Variants in ESR1 observed in about 807,000 individuals in gnomAD.
ESR1 encodes estrogen receptor 1.
Under a neutral mutation model 52.7 loss-of-function variants are expected in ESR1, and 12 were observed. That is an observed-to-expected ratio of 0.23 (90% CI 0.15 to 0.37). ESR1 has a LOEUF of 0.37. ESR1 is among the 10% of genes least tolerant of loss of function. The probability of loss-of-function intolerance (pLI) is 1.00; values close to 1 mark genes in which losing one functional copy is unlikely to be tolerated. For missense variants in ESR1, 584 were observed against 779.7 expected (o/e 0.75, Z 2.99); for synonymous variants, 305 against 316.8 (o/e 0.96, Z 0.39).
chr6:151,788,862 T>TG (rs1282386160), intron 2 of ESR1, among the ~76,000 whole-genome samples: 1 of 152,132 alleles, frequency 6.6e-6, no homozygotes, highest in Non-Finnish European at 1.5e-5. Flanking sequence ...ACAGAAAACC[T>TG]AATACTGCAT....
chr6:151,836,811 A>T (rs1471251554), intron 1 of ESR1, among the ~76,000 whole-genome samples: 3 of 152,210 alleles, frequency 2.0e-5, no homozygotes, highest in Non-Finnish European at 4.4e-5. Flanking sequence ...ACTGAATTAA[A>T]CCACATTTCT....
chr6:151,750,856 GTT>G (rs1783850121), intron 2 of ESR1, among the ~76,000 whole-genome samples: 1 of 152,148 alleles, frequency 6.6e-6, no homozygotes, highest in Admixed American at 6.5e-5. Flanking sequence ...AGTTCAAACT[GTT>G]TATCCTGTTT....
chr6:151,802,430 A>G (rs1435150673), upstream of ESR1, among the ~76,000 whole-genome samples: 1 of 152,238 alleles, frequency 6.6e-6, no homozygotes, highest in Non-Finnish European at 1.5e-5. Context: ...AGTATAAGCT[A>G]TTACGGAGAT....
At chr6:151,819,505 G>T (rs925825896) in intron 1 of ESR1, among the ~76,000 whole-genome samples, 1 of 152,160 alleles carries the variant, frequency 6.6e-6, no homozygotes, top group Non-Finnish European at 1.5e-5. Context: ...GGTAGCATTA[G>T]ATTTTCATAG....
chr6:151,934,241 G>T (rs2034078021), intron 3 of ESR1, among the ~76,000 whole-genome samples: 1 of 152,202 alleles, frequency 6.6e-6, no homozygotes, highest in South Asian at 2.1e-4. Flanking sequence ...GCACAGAGAA[G>T]TAGTAGTCCC....
intron 2 of ESR1, among the ~76,000 whole-genome samples, chr6:151,857,840 A>G (rs562691823): frequency 2.0e-5 from 3 of 152,298 alleles, no homozygotes; most frequent in Admixed American, 6.5e-5. Flanking sequence ...CAATGGGTAT[A>G]GACTTTTGAA....
chr6:151,659,158 C>A (rs1451395712), intron 1 of ESR1, among the ~76,000 whole-genome samples: 1 of 152,130 alleles, frequency 6.6e-6, no homozygotes, highest in East Asian at 1.9e-4. Flanking sequence ...GGATTACAGT[C>A]ATGTGCCACC....
At chr6:151,908,253 T>C (rs1797751547) in intron 3 of ESR1, among the ~76,000 whole-genome samples, 1 of 152,232 alleles carries the variant, frequency 6.6e-6, no homozygotes, top group Non-Finnish European at 1.5e-5. Context: ...TTTTTTTAAA[T>C]GTTTATTTCT....
At chr6:151,924,591 C>G (rs2032342459) in intron 3 of ESR1, among the ~76,000 whole-genome samples, 1 of 152,056 alleles carries the variant, frequency 6.6e-6, no homozygotes, top group South Asian at 2.1e-4. Context: ...CACTCCCACT[C>G]TGTTCCCTCA....
chr6:152,059,572 G>A (rs1334356612), intron 5 of ESR1, among the ~76,000 whole-genome samples: 2 of 152,002 alleles, frequency 1.3e-5, no homozygotes, highest in African/African-American at 4.8e-5. Context: ...ACGTGCAAAG[G>A]ACAAGAGCAG....
At chr6:151,800,648 G>A (rs1021769990), upstream of ESR1, among the ~76,000 whole-genome samples, 1 of 152,114 alleles carries the variant, frequency 6.6e-6, no homozygotes, top group Non-Finnish European at 1.5e-5. Flanking sequence ...ATAAATCGCT[G>A]TTGTTTAAAT....
At chr6:151,883,560 T>G (rs989999685) in intron 3 of ESR1, among the ~76,000 whole-genome samples, 6 of 151,994 alleles carry the variant, frequency 3.9e-5, no homozygotes, top group Non-Finnish European at 2.9e-5. Flanking sequence ...GAGTCCACCC[T>G]TATGACCTCA....
chr6:151,837,772 T>C (rs908793571), intron 1 of ESR1, among the ~76,000 whole-genome samples: 1 of 152,132 alleles, frequency 6.6e-6, no homozygotes, highest in African/African-American at 2.4e-5. Context: ...GTGTCCAAGA[T>C]GAGAAACGGT....
chr6:151,711,808 G>A (rs1450994537), intron 2 of ESR1, among the ~76,000 whole-genome samples: 1 of 152,100 alleles, frequency 6.6e-6, no homozygotes, highest in East Asian at 1.9e-4. Context: ...GCCTGTTCAT[G>A]CTGATGATAG....
upstream of ESR1, among the ~76,000 whole-genome samples, chr6:151,800,119 G>T (rs955204855): frequency 2.0e-5 from 3 of 152,188 alleles, no homozygotes; most frequent in Non-Finnish European, 4.4e-5. Context: ...GGACTTCCTA[G>T]TCAGGAAAGA....
chr6:151,766,709 A>G (rs1456937903), intron 2 of ESR1, among the ~76,000 whole-genome samples: 1 of 152,202 alleles, frequency 6.6e-6, no homozygotes, highest in Non-Finnish European at 1.5e-5. Context: ...TAGTTCTTTT[A>G]AACTCTAATA....
intron 1 of ESR1, among the ~76,000 whole-genome samples, chr6:151,824,796 C>CTGG (rs1270191895): frequency 6.6e-6 from 1 of 152,078 alleles, no homozygotes; most frequent in Non-Finnish European, 1.5e-5. Context: ...TGGCACACGC[C>CTGG]TGCAGTCCCA....
intron 3 of ESR1, among the ~76,000 whole-genome samples, chr6:151,919,320 A>C (rs1029629592): frequency 2.6e-5 from 4 of 152,186 alleles, no homozygotes; most frequent in Non-Finnish European, 5.9e-5. Flanking sequence ...TGTAATGTGC[A>C]TTTCTGAGAC....
chr6:151,979,283 A>C (rs974200411), intron 4 of ESR1, among the ~76,000 whole-genome samples: 2 of 152,200 alleles, frequency 1.3e-5, no homozygotes, highest in Non-Finnish European at 2.9e-5. Flanking sequence ...GCAATTATAA[A>C]TACAACTTTT....
Sources: allele counts gnomAD v4.1 joint callset (sites outside exome capture counted in the v4.1 genomes callset), GRCh38; gene constraint gnomAD v4.1.1; transcripts MANE v1.5; gene names NCBI Gene and HGNC (gene_info 2026-07-23, HGNC 2026-07-21).